The following TMEM39A variants were observed in gnomAD, a reference collection of about 807,000 sequenced individuals.
TMEM39A encodes the protein suppressor of SQST-1 aggregates in rpl-43 mutants.
TMEM39A carries 19 observed loss-of-function variants against 51.9 expected under a neutral mutation model. The ratio of observed to expected loss-of-function variants is 0.37; its 90% CI spans 0.26 to 0.54. The LOEUF is 0.54. TMEM39A is among the 20% of genes least tolerant of loss of function. The probability of loss-of-function intolerance (pLI) is 0.88; values close to 1 mark genes in which losing one functional copy is unlikely to be tolerated. For missense variants in TMEM39A, 433 were observed against 590.5 expected (o/e 0.73, Z 2.76); for synonymous variants, 197 against 220.2 (o/e 0.89, Z 0.93).
At chr3:119,435,952 G>C (rs1348526247) in intron 7 of TMEM39A, 3 of 1,288,504 alleles carry the variant, frequency 2.3e-6, no homozygotes, top group Non-Finnish European at 3.0e-6. Context: ...CAGACATCAA[G>C]GCAGATAATT....
Position 119,441,335 on chromosome 3 carries a change from A to G in TMEM39A, c.576-3232T>C, listed in dbSNP as rs1377828612. ...CTAGCCGAATTGTAAATGCAAAGAA[A>G]AAGTTATTCAAGGAAATTAAAAGTG... On this transcript the variant is annotated intron_variant, in intron 5 of 8. Transcript: ENST00000319172. 2.0e-5 allele frequency among the ~76,000 whole-genome samples: 3 copies of G among 152,252 alleles called. No homozygotes were observed. In the East Asian group the frequency reaches 5.8e-4, roughly 29 times the overall value.
intron 5 of TMEM39A, among the ~76,000 whole-genome samples, chr3:119,440,156 C>T (rs796617614): frequency 7.1e-5 from 8 of 112,120 alleles, no homozygotes; most frequent in African/African-American, 2.1e-4. Flanking sequence ...TGCCAAAACA[C>T]AAGCTGCATG....
rs1208744202 is a variant in TMEM39A at position 119,431,776 on chromosome 3, T to G, written c.*205A>C. 1 of 411,814 alleles carries G rather than the reference T, an allele frequency of 2.4e-6. No individual in the cohort carries two copies. The highest frequency in any genetic ancestry group is 4.3e-6 in the Non-Finnish European group (1 of 232,498). 25.5% of individuals were successfully genotyped at this position (411,814 alleles called of 1,614,324 possible). A position where few individuals can be genotyped will look rare whatever the true frequency, so the allele number is the denominator to read the frequency against. On this transcript the variant is annotated 3_prime_UTR_variant, in exon 9 of 9. Transcript: ENST00000319172. ...TTACTGGACAGGCATACCTCTCATATGTATATTATTCGAATATACTAACAC... is the reference window on the plus strand; with the variant it reads ...TTACTGGACAGGCATACCTCTCATAGGTATATTATTCGAATATACTAACAC...
intron 2 of TMEM39A, 63 bp from the exon 3 acceptor site, chr3:119,458,303 G>A: frequency 7.1e-7 from 1 of 1,409,320 alleles, no homozygotes; most frequent in Non-Finnish European, 9.9e-7. Context: ...GAACATAAAG[G>A]GCTCCTGCTG....
chr3:119,434,954 G>A, intron 7 of TMEM39A, 72 bp from the exon 8 acceptor site: 1 of 1,541,638 alleles, frequency 6.5e-7, no homozygotes, highest in Non-Finnish European at 8.8e-7. Flanking sequence ...AAGGCCAGCT[G>A]TATTTTTATG....
intron 5 of TMEM39A, chr3:119,446,728 T>C (rs748332767): frequency 4.3e-5 from 12 of 277,236 alleles, no homozygotes; most frequent in Non-Finnish European, 8.1e-5. Context: ...CAAATATAGA[T>C]AGCAAGAGGG....
In TMEM39A at chr3:119,432,004, T is replaced by G. The variant is rs1208177047; in HGVS notation, c.1444A>C (p.Ser482Arg). The G allele has an allele frequency of 1.2e-6, 2 of 1,609,156 alleles. No homozygotes were observed. The highest frequency in any genetic ancestry group is 3.3e-5 in the Admixed American group (2 of 59,704). ...LGRAYSYPLN[S>R]YELKAN ...GCTTAGTTTGCCTTGAGTTCATAAC[T>G]GTTGAGTGGGTAGGAGTATGCCCTG... The change falls in exon 9 of 9, where the codon AGT (serine) becomes CGT (arginine). Residue 482 changes from serine (S) to arginine (R), a missense_variant. Physicochemically the swap from Ser to Arg is moderately radical, Grantham distance 110 (BLOSUM62 -1). Coordinates refer to ENST00000319172, the MANE Select transcript of TMEM39A (RefSeq NM_018266.3).
intron 4 of TMEM39A, among the ~76,000 whole-genome samples, chr3:119,447,806 T>C (rs1324976981): frequency 2.0e-5 from 3 of 152,004 alleles, no homozygotes; most frequent in Non-Finnish European, 4.4e-5. Context: ...GTATTTTTAG[T>C]AGAGACAGGG....
chr3:119,451,389 A>T (rs530295409), intron 4 of TMEM39A: 1 of 872,764 alleles, frequency 1.1e-6, no homozygotes, highest in Admixed American at 2.6e-5. Flanking sequence ...TTCATTTAAA[A>T]TTTCACACTG....
At chr3:119,455,743 A>G (rs780437650) in intron 3 of TMEM39A, among the ~76,000 whole-genome samples, 1 of 152,192 alleles carries the variant, frequency 6.6e-6, no homozygotes, top group African/African-American at 2.4e-5. Context: ...AAAGAACTAT[A>G]GTCAGATATG....
chr3:119,441,659 T>C (rs2081055630), intron 5 of TMEM39A, among the ~76,000 whole-genome samples: 1 of 152,226 alleles, frequency 6.6e-6, no homozygotes. Flanking sequence ...TGTAGCAAGT[T>C]ATCCAGAAGA....
rs188989974 is a variant in TMEM39A, at chr3:119,461,917, G to A, written c.113+45C>T. 6,758 of 1,451,838 alleles carry A rather than the reference G, an allele frequency of 4.7e-3. 92 individuals carry two copies. The highest frequency in any genetic ancestry group is 3.1e-3 in the Non-Finnish European group (3,197 of 1,045,706). 89.9% of individuals were successfully genotyped at this position (1,451,838 alleles called of 1,614,324 possible). A position where few individuals can be genotyped will look rare whatever the true frequency, so the allele number is the denominator to read the frequency against. Reference sequence around the variant, plus strand: ...TGATGACTTTTATGTTAGTCTTACTGATCAAAGGACATTAAAATTATATAT... The same window carrying A: ...TGATGACTTTTATGTTAGTCTTACTAATCAAAGGACATTAAAATTATATAT... On this transcript the variant is annotated intron_variant, in intron 2 of 8. Coordinates refer to ENST00000319172, the MANE Select transcript of TMEM39A (RefSeq NM_018266.3).
intron 5 of TMEM39A, among the ~76,000 whole-genome samples, chr3:119,444,103 T>C (rs2081093162): frequency 6.6e-6 from 1 of 151,378 alleles, no homozygotes; most frequent in Admixed American, 6.6e-5. Context: ...TTAAATTACA[T>C]AATTATTTCA....
intron 1 of TMEM39A, among the ~76,000 whole-genome samples, chr3:119,462,736 G>A (rs986655744): frequency 2.8e-5 from 4 of 142,956 alleles, no homozygotes; most frequent in Non-Finnish European, 6.0e-5. Context: ...CAGTTTAAAA[G>A]TAAAACTGTT....
rs1051951566 is a variant in TMEM39A at position 119,429,055 on chromosome 3, A to G, written c.*2926T>C. On this transcript the variant is annotated 3_prime_UTR_variant, in exon 9 of 9. Coordinates refer to ENST00000319172, the MANE Select transcript of TMEM39A (RefSeq NM_018266.3). The stretch of plus-strand genomic sequence containing the variant: ...CTCATACATATTTCTGTTAATGAAC[A>G]CCCTAGTGTGACAACTGGTTTACTT... Among the ~76,000 whole-genome samples the G allele has an allele frequency of 6.6e-6, 1 of 152,042 alleles. No homozygotes were observed. Among genetic ancestry groups the G allele is most frequent in the African/African-American group, 2.4e-5 (1 of 41,412 alleles).
intron 4 of TMEM39A, among the ~76,000 whole-genome samples, chr3:119,449,436 T>C (rs1218061151): frequency 1.1e-4 from 16 of 151,906 alleles, no homozygotes; most frequent in Non-Finnish European, 1.0e-4. Context: ...TATCTGGGCA[T>C]GGTGGTGGGC....
intron 6 of TMEM39A, 29 bp downstream of exon 6, chr3:119,437,726 A>G (rs745791073): frequency 1.4e-6 from 2 of 1,462,806 alleles, no homozygotes; most frequent in Non-Finnish European, 1.8e-6. Context: ...CAAATCCAGG[A>G]AGCACATAAA....
rs1446403755 is a variant in TMEM39A at position 119,429,756 on chromosome 3, CT to C, written c.*2224del. 3.3e-5 allele frequency: 5 copies of C among 152,086 alleles called. No homozygotes were observed. Among genetic ancestry groups the C allele is most frequent in the African/African-American group, 1.2e-4 (5 of 41,416 alleles). 9.4% of individuals were successfully genotyped at this position (152,086 alleles called of 1,614,324 possible). The stretch of plus-strand genomic sequence containing the variant: ...TATCTGGAGGTGAGGGTAGGAGGAA[CT>C]TTGCAATTCCATTAGCCAAAATTAA... On this transcript the variant is annotated 3_prime_UTR_variant, in exon 9 of 9. Coordinates refer to ENST00000319172, the MANE Select transcript of TMEM39A (RefSeq NM_018266.3).
At chr3:119,456,234 C>T (rs1270745694) in intron 3 of TMEM39A, among the ~76,000 whole-genome samples, 7 of 151,620 alleles carry the variant, frequency 4.6e-5, no homozygotes, top group African/African-American at 1.5e-4. Flanking sequence ...ACACCATGGC[C>T]AAAAAGGATG....
Sources: allele counts gnomAD v4.1 joint callset (sites outside exome capture counted in the v4.1 genomes callset), GRCh38; gene constraint gnomAD v4.1.1; transcripts MANE v1.5; gene names NCBI Gene and HGNC (gene_info 2026-07-23, HGNC 2026-07-21).